The following TMEM117 variants were observed in gnomAD, a reference collection of about 807,000 sequenced individuals.
TMEM117 encodes transmembrane protein 117.
In TMEM117, 27 loss-of-function variants were observed where a neutral mutation model predicts 52.4. The observed-to-expected ratio is 0.51, with a 90% CI of 0.38 to 0.71. TMEM117 has a LOEUF of 0.71. Among genes scored for constraint, TMEM117 ranks in the 30% least tolerant of loss-of-function variants. TMEM117 has a pLI of 0.00. For synonymous variants in TMEM117, 215 were observed against 206.3 expected (o/e 1.04, Z -0.36); for missense variants, 556 against 630.5 (o/e 0.88, Z 1.26).
intron 6 of TMEM117, among the ~76,000 whole-genome samples, chr12:44,338,589 G>A (rs1416137372): frequency 6.6e-6 from 1 of 151,494 alleles, no homozygotes; most frequent in Non-Finnish European, 1.5e-5. Flanking sequence ...TGGAAATTAA[G>A]GAATCCAAGG....
chr12:43,980,515 G>A (rs1477734264), intron 3 of TMEM117, among the ~76,000 whole-genome samples: 1 of 152,108 alleles, frequency 6.6e-6, no homozygotes, highest in Non-Finnish European at 1.5e-5. Context: ...TTTATATACT[G>A]TTGCTCTTGA....
chr12:44,336,106 A>T (rs774817061), intron 6 of TMEM117, among the ~76,000 whole-genome samples: 3 of 152,020 alleles, frequency 2.0e-5, no homozygotes, highest in Non-Finnish European at 4.4e-5. Flanking sequence ...ACATTTCATA[A>T]TTTGTTGCAG....
intron 6 of TMEM117, among the ~76,000 whole-genome samples, chr12:44,326,547 A>C (rs1951198493): frequency 6.6e-6 from 1 of 152,184 alleles, no homozygotes; most frequent in Non-Finnish European, 1.5e-5. Flanking sequence ...TATTTGAAAG[A>C]CTGTCATATG....
chr12:44,291,374 GTTTTTTTTT>G (rs1185340451), intron 5 of TMEM117, among the ~76,000 whole-genome samples: 4 of 71,460 alleles, frequency 5.6e-5, no homozygotes. Context: ...AGTTCTAACA[GTTTTTTTTT>G]TTTTTTTTTT....
intron 4 of TMEM117, among the ~76,000 whole-genome samples, chr12:44,198,272 A>G (rs575018735): frequency 2.6e-5 from 4 of 152,210 alleles, no homozygotes; most frequent in Admixed American, 6.5e-5. Flanking sequence ...TACATCCTAT[A>G]TAGTACAGTA....
intron 7 of TMEM117, among the ~76,000 whole-genome samples, chr12:44,385,334 G>A (rs1308901614): frequency 6.6e-6 from 1 of 152,098 alleles, no homozygotes; most frequent in Non-Finnish European, 1.5e-5. Context: ...GTGATCCTTG[G>A]GTGTGCAAGT....
chr12:44,348,278 AAAGAG>A (rs1445355533), intron 6 of TMEM117, among the ~76,000 whole-genome samples: 1 of 151,914 alleles, frequency 6.6e-6, no homozygotes, highest in Non-Finnish European at 1.5e-5. Flanking sequence ...GAAAAAAAAA[AAAGAG>A]AGAGCTATAG....
intron 2 of TMEM117, among the ~76,000 whole-genome samples, chr12:43,883,503 G>A (rs1284452337): frequency 1.3e-5 from 2 of 152,098 alleles, no homozygotes; most frequent in Non-Finnish European, 2.9e-5. Flanking sequence ...GTTAAAATAT[G>A]AGCCAACATC....
intron 3 of TMEM117, among the ~76,000 whole-genome samples, chr12:44,136,484 C>T (rs932654067): frequency 3.3e-5 from 5 of 151,910 alleles, no homozygotes; most frequent in African/African-American, 4.8e-5. Context: ...ACCTTATAGA[C>T]CTTTATATTT....
intron 3 of TMEM117, among the ~76,000 whole-genome samples, chr12:44,006,812 A>G (rs750068811): frequency 3.9e-5 from 6 of 152,324 alleles, no homozygotes; most frequent in Middle Eastern, 3.4e-3. Context: ...GCAATGCTGA[A>G]TAAGACAGCG....
intron 7 of TMEM117, 66 bp from the exon 8 acceptor site, chr12:44,387,960 A>G: frequency 7.3e-7 from 1 of 1,364,788 alleles, no homozygotes; most frequent in Non-Finnish European, 1.0e-6. Context: ...TCCTCATTTT[A>G]TTGTAGAAAA....
At chr12:43,999,292 A>T (rs532764581) in intron 3 of TMEM117, among the ~76,000 whole-genome samples, 10 of 152,320 alleles carry the variant, frequency 6.6e-5, no homozygotes, top group Admixed American at 5.2e-4. Context: ...ATGCTTCCAA[A>T]AAGGTTTCTT....
At chr12:43,838,881 T>C (rs1213916365) in intron 1 of TMEM117, among the ~76,000 whole-genome samples, 2 of 152,078 alleles carry the variant, frequency 1.3e-5, no homozygotes, top group Admixed American at 1.3e-4. Flanking sequence ...ATTGAGAGAA[T>C]ACATGGATAG....
At chr12:43,991,486 GTCTA>G (rs1384351648) in intron 3 of TMEM117, among the ~76,000 whole-genome samples, 10 of 149,204 alleles carry the variant, frequency 6.7e-5, no homozygotes, top group Admixed American at 2.6e-4. Flanking sequence ...ATCTATCTCT[GTCTA>G]TCTATCTGTC....
At chr12:44,227,691 T>C (rs981946096) in intron 5 of TMEM117, among the ~76,000 whole-genome samples, 1 of 152,094 alleles carries the variant, frequency 6.6e-6, no homozygotes, top group African/African-American at 2.4e-5. Context: ...TGTAGAAAGG[T>C]CCTTTTTGAG....
intron 2 of TMEM117, among the ~76,000 whole-genome samples, chr12:43,925,119 G>GA (rs1565753807): frequency 6.6e-6 from 1 of 151,766 alleles, no homozygotes; most frequent in Admixed American, 6.6e-5. Context: ...CTCGAGAGAG[G>GA]GACCACGGTG....
chr12:44,332,994 C>T (rs1022961282), intron 6 of TMEM117, among the ~76,000 whole-genome samples: 4 of 151,956 alleles, frequency 2.6e-5, no homozygotes, highest in Non-Finnish European at 5.9e-5. Flanking sequence ...TGTCTTTGTA[C>T]ATTGACAGTT....
At chr12:44,243,753 T>G (rs1049676353) in intron 5 of TMEM117, among the ~76,000 whole-genome samples, 1 of 151,842 alleles carries the variant, frequency 6.6e-6, no homozygotes, top group African/African-American at 2.4e-5. Context: ...TTTGAACCTT[T>G]TGACTGACAT....
At chr12:44,307,987 G>T (rs1170760575) in intron 6 of TMEM117, among the ~76,000 whole-genome samples, 1 of 152,236 alleles carries the variant, frequency 6.6e-6, no homozygotes, top group African/African-American at 2.4e-5. Flanking sequence ...ATAGATGACA[G>T]TTGAAACTGA....
Sources: gnomAD v4.1 joint callset for allele counts (sites outside exome capture counted in the v4.1 genomes callset) on GRCh38, gnomAD v4.1.1 for gene constraint, MANE v1.5 for transcripts, NCBI Gene and HGNC (gene_info 2026-07-23, HGNC 2026-07-21) for gene names.